Variants in RPTOR observed in about 807,000 individuals in gnomAD.
The protein encoded by RPTOR is regulatory associated protein of MTOR complex 1.
RPTOR carries 21 observed loss-of-function variants against 169.9 expected under a neutral mutation model. That is an observed-to-expected ratio of 0.12 (90% confidence interval 0.09 to 0.18). RPTOR has a LOEUF of 0.18. Ranked by LOEUF, RPTOR falls within the 10% of genes least tolerant of loss-of-function variation. RPTOR has a pLI of 1.00. For missense variants in RPTOR, 1,133 were observed against 1,855.9 expected (o/e 0.61, Z 7.16); for synonymous variants, 732 against 753.2 (o/e 0.97, Z 0.46).
chr17:80,925,143 C>T (rs1396372434), intron 23 of RPTOR, among the ~76,000 whole-genome samples: 2 of 152,226 alleles, frequency 1.3e-5, no homozygotes, highest in Admixed American at 1.3e-4. Context: ...GTGGGACCGA[C>T]GTGGCTCACA....
At chr17:80,661,767 G>A (rs1421057981) in intron 3 of RPTOR, among the ~76,000 whole-genome samples, 2 of 151,860 alleles carry the variant, frequency 1.3e-5, no homozygotes, top group African/African-American at 4.8e-5. Context: ...TTGCCTCCTG[G>A]TTCTCCCAGT....
intron 2 of RPTOR, among the ~76,000 whole-genome samples, chr17:80,634,293 CTG>C (rs199954216): frequency 1.8e-4 from 18 of 102,042 alleles, no homozygotes; most frequent in African/African-American, 4.1e-4. Flanking sequence ...TGTGTGCGTA[CTG>C]TGTGTGTGCG....
chr17:80,808,664 T>A (rs928527764), intron 7 of RPTOR, among the ~76,000 whole-genome samples: 1 of 152,184 alleles, frequency 6.6e-6, no homozygotes, highest in Non-Finnish European at 1.5e-5. Context: ...CTTGTACCTG[T>A]CCCAGTTAAT....
At chr17:80,577,795 T>C (rs975011018) in intron 1 of RPTOR, among the ~76,000 whole-genome samples, 1 of 152,216 alleles carries the variant, frequency 6.6e-6, no homozygotes, top group Non-Finnish European at 1.5e-5. Context: ...GCAGCCTTCC[T>C]GGAGGGAGAG....
rs572528775 is a variant in RPTOR at position 80,718,701 on chromosome 17, G to C, written c.507+10702G>C. Among the ~76,000 whole-genome samples, 9 of 152,284 alleles carry C rather than the reference G, an allele frequency of 5.9e-5. No homozygotes were observed. The East Asian group carries it at 1.5e-3, about 26-fold the overall frequency. On this transcript the variant is annotated intron_variant, in intron 4 of 33. Coordinates refer to ENST00000306801, the MANE Select transcript of RPTOR (RefSeq NM_020761.3). ...AGTAGATGATATAATAAACCAGCAT[G>C]GTATTCATTGGAAACTACAAGCAGT...
intron 32 of RPTOR, 45 bp downstream of exon 32, chr17:80,962,622 G>A (rs767535951): frequency 3.8e-5 from 59 of 1,534,242 alleles, no homozygotes; most frequent in Admixed American, 3.1e-4. Context: ...CACCCGCCTC[G>A]GGCCTCTGTG....
chr17:80,840,593 C>T (rs1389739337), intron 10 of RPTOR, among the ~76,000 whole-genome samples: 1 of 114,360 alleles, frequency 8.7e-6, no homozygotes, highest in Admixed American at 9.2e-5. Context: ...TCACATTCAC[C>T]GCACGGCAGC....
intron 1 of RPTOR, among the ~76,000 whole-genome samples, chr17:80,599,228 C>T (rs572405356): frequency 1.3e-5 from 2 of 152,326 alleles, no homozygotes; most frequent in African/African-American, 4.8e-5. Flanking sequence ...GGAAACCCCG[C>T]AGCCATGCGG....
Position 80,837,918 on chromosome 17 carries a change from G to T in RPTOR, c.1137-4G>T, listed in dbSNP as rs573458348. On this transcript the variant is annotated splice_polypyrimidine_tract_variant and splice_region_variant and intron_variant, in intron 9 of 33. Transcript: ENST00000306801. The stretch of plus-strand genomic sequence containing the variant: ...TCAGTGGATTTCCTCTGTTCTCTCC[G>T]CAGGCAAGCCTGGGACCTGGCTGTT... 52 of 1,609,996 alleles carry T rather than the reference G, an allele frequency of 3.2e-5. No individual in the cohort carries two copies. Among genetic ancestry groups the T allele is most frequent in the African/African-American group, 5.3e-5 (4 of 74,896 alleles).
At chr17:80,743,763 A>ACAGCC (rs1567887228) in intron 5 of RPTOR, among the ~76,000 whole-genome samples, 20 of 133,092 alleles carry the variant, frequency 1.5e-4, no homozygotes, top group African/African-American at 5.4e-4. Flanking sequence ...GGCTACTAGC[A>ACAGCC]CTCTCCTGGT....
intron 12 of RPTOR, among the ~76,000 whole-genome samples, chr17:80,857,508 G>T (rs2067866805): frequency 6.6e-6 from 1 of 152,224 alleles, no homozygotes. Context: ...AAGGGCCCCA[G>T]GCGCAAGCAG....
chr17:80,719,116 G>A lies in RPTOR; in HGVS notation c.507+11117G>A, dbSNP rs144679254. 3.6e-3 allele frequency among the ~76,000 whole-genome samples: 552 copies of A among 152,282 alleles called. 3 individuals are homozygous for A. Among genetic ancestry groups the A allele is most frequent in the African/African-American group, 0.012 (515 of 41,560 alleles). Reference sequence around the variant, plus strand: ...GCCGGAGGTCCATGAGTATGGGGTCGTGAGAAGTAGGGGCAGACATGCTGC... The same window carrying A: ...GCCGGAGGTCCATGAGTATGGGGTCATGAGAAGTAGGGGCAGACATGCTGC... On this transcript the variant is annotated intron_variant, in intron 4 of 33. Coordinates refer to ENST00000306801, the MANE Select transcript of RPTOR (RefSeq NM_020761.3).
chr17:80,678,967 G>A (rs927009536), intron 3 of RPTOR, among the ~76,000 whole-genome samples: 4 of 152,212 alleles, frequency 2.6e-5, no homozygotes, highest in Non-Finnish European at 5.9e-5. Context: ...TCCAACAGTG[G>A]CTTCGTTTCT....
At chr17:80,570,819 T>C (rs1349505401) in intron 1 of RPTOR, among the ~76,000 whole-genome samples, 1 of 152,342 alleles carries the variant, frequency 6.6e-6, no homozygotes, top group African/African-American at 2.4e-5. Context: ...GTTCTTTCAC[T>C]GAACCTAATT....
chr17:80,683,525 G>A (rs2065913612), intron 3 of RPTOR, among the ~76,000 whole-genome samples: 1 of 152,190 alleles, frequency 6.6e-6, no homozygotes. Context: ...CCTTGTGCTG[G>A]TTTTGCAACC....
intron 3 of RPTOR, among the ~76,000 whole-genome samples, chr17:80,696,449 T>C (rs1195827975): frequency 3.9e-5 from 6 of 152,178 alleles, no homozygotes; most frequent in African/African-American, 2.4e-5. Context: ...CGGCTTTCGT[T>C]AGTTCAAAGC....
intron 3 of RPTOR, among the ~76,000 whole-genome samples, chr17:80,697,840 G>C (rs2066050294): frequency 6.6e-6 from 1 of 152,298 alleles, no homozygotes; most frequent in Admixed American, 6.5e-5. Flanking sequence ...GGGGGGACTT[G>C]GAGAGGGGTC....
At chr17:80,847,435 G>C (rs1051362228) in intron 11 of RPTOR, among the ~76,000 whole-genome samples, 3 of 152,250 alleles carry the variant, frequency 2.0e-5, no homozygotes, top group African/African-American at 7.2e-5. Context: ...TGTGGGCTGA[G>C]TCAGAGTCAA....
chr17:80,603,621 G>A (rs2065207495), intron 1 of RPTOR, among the ~76,000 whole-genome samples: 1 of 152,188 alleles, frequency 6.6e-6, no homozygotes, highest in African/African-American at 2.4e-5. Flanking sequence ...ACAGTAGAAA[G>A]ATAACGAAGC....
Sources: allele counts gnomAD v4.1 joint callset (sites outside exome capture counted in the v4.1 genomes callset), GRCh38; gene constraint gnomAD v4.1.1; transcripts MANE v1.5; gene names NCBI Gene and HGNC (gene_info 2026-07-23, HGNC 2026-07-21).